CSGALNACT1: variants seen among roughly 807,000 people sequenced by gnomAD.
CSGALNACT1 encodes the protein beta4GalNAcT-1.
Under a neutral mutation model 51.0 loss-of-function variants are expected in CSGALNACT1, and 52 were observed. The observed-to-expected ratio is 1.02, with a 90% confidence interval of 0.82 to 1.29. The LOEUF (loss-of-function observed/expected upper bound fraction) is 1.29. CSGALNACT1 is among the 50% of genes most tolerant of loss of function. The pLI is 0.00. For missense variants in CSGALNACT1, 935 were observed against 679.2 expected (o/e 1.38, Z -4.19); for synonymous variants, 341 against 254.4 (o/e 1.34, Z -3.24).
At chr8:19,691,111 CAAAT>C (rs914745512) in intron 1 of CSGALNACT1, among the ~76,000 whole-genome samples, 4 of 152,158 alleles carry the variant, frequency 2.6e-5, no homozygotes, top group African/African-American at 9.7e-5. Flanking sequence ...AAGAAAAACA[CAAAT>C]AAAACTCTCT....
chr8:19,535,995 G>C (rs147361045), intron 3 of CSGALNACT1, among the ~76,000 whole-genome samples: 6 of 152,092 alleles, frequency 3.9e-5, no homozygotes, highest in African/African-American at 9.6e-5. Flanking sequence ...TGAAGAAAAA[G>C]AAAAGGCATA....
intron 3 of CSGALNACT1, among the ~76,000 whole-genome samples, chr8:19,541,828 A>C (rs768589880): frequency 6.6e-6 from 1 of 152,044 alleles, no homozygotes; most frequent in Non-Finnish European, 1.5e-5. Context: ...CTATTTTCCT[A>C]TTCTTAAAAT....
At chr8:19,464,974 C>G (rs757725494) in intron 4 of CSGALNACT1, among the ~76,000 whole-genome samples, 1 of 151,970 alleles carries the variant, frequency 6.6e-6, no homozygotes. Context: ...TATGATTCAG[C>G]AATTCTATGT....
intron 1 of CSGALNACT1, among the ~76,000 whole-genome samples, chr8:19,671,512 C>G (rs2059793555): frequency 6.6e-6 from 1 of 152,114 alleles, no homozygotes; most frequent in Non-Finnish European, 1.5e-5. Flanking sequence ...ATTTATTCAC[C>G]AAGTACAGTA....
intron 3 of CSGALNACT1, among the ~76,000 whole-genome samples, chr8:19,523,844 C>T (rs960671450): frequency 2.0e-5 from 3 of 151,950 alleles, no homozygotes; most frequent in Non-Finnish European, 4.4e-5. Flanking sequence ...ATCAGTCATT[C>T]GCGATATAAA....
intron 1 of CSGALNACT1, among the ~76,000 whole-genome samples, chr8:19,632,637 C>T (rs2055434965): frequency 6.6e-6 from 1 of 152,350 alleles, no homozygotes; most frequent in Middle Eastern, 3.4e-3. Flanking sequence ...CAACATCGAA[C>T]ATAAGAAACT....
rs902588163 is a variant in CSGALNACT1 at position 19,418,836 on chromosome 8, C to G, written c.1133-86G>C. On this transcript the variant is annotated intron_variant, in intron 7 of 9. Transcript: ENST00000454498. ...TTGACATTTGGCCCTCTGAAACACC[C>G]CAGATATTTGCACCCACTTTTTTTT... 5.2e-5 allele frequency: 48 copies of G among 917,106 alleles called. No homozygotes were observed. In the African/African-American group the frequency reaches 7.4e-4, roughly 14 times the overall value. 56.8% of individuals were successfully genotyped at this position (917,106 alleles called of 1,614,324 possible).
Position 19,404,607 on chromosome 8 carries a change from A to T in CSGALNACT1, c.*1173T>A, listed in dbSNP as rs1038079788. 144 of 182,280 alleles carry T rather than the reference A, an allele frequency of 7.9e-4. 1 individual carries two copies. Among genetic ancestry groups the T allele is most frequent in the African/African-American group, 7.5e-3 (99 of 13,142 alleles). The allele number at this position is 182,280 out of a possible 1,614,324, so 11.3% of individuals were successfully genotyped here. A position where few individuals can be genotyped will look rare whatever the true frequency, so the allele number is the denominator to read the frequency against. Reference sequence around the variant, plus strand: ...TCTGGCAGATGGATTGATCTTTCACAATATATATATATATATTTTTTTCTC... The same window carrying T: ...TCTGGCAGATGGATTGATCTTTCACTATATATATATATATATTTTTTTCTC... On this transcript the variant is annotated 3_prime_UTR_variant, in exon 10 of 10. Coordinates refer to ENST00000454498, the Ensembl canonical transcript of CSGALNACT1.
upstream of CSGALNACT1, among the ~76,000 whole-genome samples, chr8:19,686,694 G>A (rs905912510): frequency 6.6e-6 from 1 of 152,176 alleles, no homozygotes; most frequent in Admixed American, 6.5e-5. Context: ...TCTCCCTTGT[G>A]CCTAGATAGG....
intron 3 of CSGALNACT1, among the ~76,000 whole-genome samples, chr8:19,551,276 G>T (rs2088002962): frequency 1.3e-5 from 2 of 152,158 alleles, no homozygotes; most frequent in African/African-American, 4.8e-5. Flanking sequence ...AGTGACCTTT[G>T]ACCTCAGAGA....
At chr8:19,658,953 C>A (rs1344721864) in intron 1 of CSGALNACT1, among the ~76,000 whole-genome samples, 22 of 152,118 alleles carry the variant, frequency 1.4e-4, no homozygotes, top group Admixed American at 1.4e-3. Context: ...TACCTGGTAG[C>A]TAGTTACACC....
intron 1 of CSGALNACT1, among the ~76,000 whole-genome samples, chr8:19,728,306 C>A (rs971084548): frequency 4.6e-5 from 7 of 152,094 alleles, no homozygotes; most frequent in Non-Finnish European, 1.0e-4. Flanking sequence ...CACGGTTTAA[C>A]AATTTTTATG....
chr8:19,569,579 T>C (rs1255604812), intron 3 of CSGALNACT1, among the ~76,000 whole-genome samples: 1 of 152,282 alleles, frequency 6.6e-6, no homozygotes, highest in African/African-American at 2.4e-5. Context: ...GAGTTGGTTG[T>C]TGACAATACC....
chr8:19,515,607 A>G (rs1365680051), intron 3 of CSGALNACT1, among the ~76,000 whole-genome samples: 1 of 152,258 alleles, frequency 6.6e-6, no homozygotes, highest in African/African-American at 2.4e-5. Flanking sequence ...GCCTTGAAGC[A>G]GAAAAAGGGA....
chr8:19,553,640 A>AT (rs201836569), intron 3 of CSGALNACT1, among the ~76,000 whole-genome samples: 2,764 of 116,858 alleles, frequency 0.024, 145 homozygotes, highest in Non-Finnish European at 0.032. Flanking sequence ...TATATATATA[A>AT]AAAAATATGT....
intron 3 of CSGALNACT1, among the ~76,000 whole-genome samples, chr8:19,518,708 C>T (rs1311343625): frequency 2.0e-5 from 3 of 152,268 alleles, no homozygotes; most frequent in African/African-American, 4.8e-5. Flanking sequence ...TGGTACACCA[C>T]GAGGAACCCC....
chr8:19,649,651 G>A (rs527571138), intron 1 of CSGALNACT1, among the ~76,000 whole-genome samples: 71 of 151,542 alleles, frequency 4.7e-4, no homozygotes, highest in South Asian at 3.1e-3. Context: ...AATCAAAGGG[G>A]AATGATAAAA....
chr8:19,508,863 A>C (rs1487899375), intron 3 of CSGALNACT1, among the ~76,000 whole-genome samples: 1 of 152,242 alleles, frequency 6.6e-6, no homozygotes, highest in Non-Finnish European at 1.5e-5. Context: ...GGTGATTTGA[A>C]AATTTAAAAC....
intron 1 of CSGALNACT1, among the ~76,000 whole-genome samples, chr8:19,727,088 T>C (rs972109583): frequency 3.9e-5 from 6 of 152,126 alleles, no homozygotes; most frequent in African/African-American, 1.4e-4. Flanking sequence ...CACACATCCA[T>C]TCCTGGGGCT....
Sources: allele counts gnomAD v4.1 joint callset (sites outside exome capture counted in the v4.1 genomes callset), GRCh38; gene constraint gnomAD v4.1.1; transcripts MANE v1.5; gene names NCBI Gene and HGNC (gene_info 2026-07-23, HGNC 2026-07-21).